AASDH: variants seen among roughly 807,000 people sequenced by gnomAD.
AASDH encodes the protein beta-alanine-activating enzyme.
In AASDH, 81 loss-of-function variants were observed where a neutral mutation model predicts 102.3. The observed-to-expected ratio is 0.79, with a 90% CI of 0.66 to 0.95. The LOEUF is 0.95. Among genes scored for constraint, AASDH ranks in the 40% least tolerant of loss-of-function variants. AASDH has a pLI of 0.00. For synonymous variants in AASDH, 398 were observed against 454.0 expected (o/e 0.88, Z 1.57); for missense variants, 1,203 against 1,266.2 (o/e 0.95, Z 0.76).
rs775696233 is a variant in AASDH, at chr4:56,355,353, G to A, written c.932C>T (p.Ser311Phe). Residue 311 changes from serine to phenylalanine, a missense_variant, in exon 6 of 15, where the codon TCT becomes TTT. By Grantham distance (155) the Ser-to-Phe change is radical (BLOSUM62 -2). Coordinates refer to ENST00000205214, the MANE Select transcript of AASDH (RefSeq NM_181806.4). ...ACCACCAAGGGCTAATACTCGAAGA[G>A]AAGTAGTGGCTGACAAAACAGTTGA... Reference protein sequence around the residue: ...IKSTVLSATTSLRVLALGGEA... With the variant: ...IKSTVLSATTFLRVLALGGEA... 2 of 1,614,176 alleles carry A rather than the reference G, an allele frequency of 1.2e-6. No homozygotes were observed. The highest frequency in any genetic ancestry group is 8.5e-7 in the Non-Finnish European group (1 of 1,180,010).
Position 56,349,599 on chromosome 4 carries a change from TTTGAA to T in AASDH, c.2147_2151del (p.Ile716LysfsTer25). 6.2e-7 allele frequency: 1 copy of T among 1,614,202 alleles called. No individual in the cohort carries two copies. The highest frequency in any genetic ancestry group is 1.1e-5 in the South Asian group (1 of 91,090). ...ACTGGAGAATTTAAGCCTTTCAAAT[TTTGAA>T]TGTTGGTCTGTGAAACTGAGTCAGA... On this transcript the variant is annotated frameshift_variant, in exon 11 of 15. Coordinates refer to ENST00000205214, the MANE Select transcript of AASDH (RefSeq NM_181806.4). LOFTEE classifies it high-confidence loss of function.
chr4:56,361,626 T>G (rs911873078), intron 5 of AASDH, among the ~76,000 whole-genome samples: 8 of 152,164 alleles, frequency 5.3e-5, no homozygotes, highest in Non-Finnish European at 7.4e-5. Flanking sequence ...TGGAAAACAT[T>G]ATTATGCTGA....
intron 10 of AASDH, among the ~76,000 whole-genome samples, chr4:56,350,348 G>A (rs768365099): frequency 3.3e-5 from 5 of 151,998 alleles, no homozygotes; most frequent in Non-Finnish European, 2.9e-5. Flanking sequence ...TCAGCTACTC[G>A]GAGGCTGAGG....
intron 3 of AASDH, among the ~76,000 whole-genome samples, chr4:56,379,862 C>T (rs890168401): frequency 2.0e-5 from 3 of 151,946 alleles, no homozygotes; most frequent in South Asian, 4.2e-4. Flanking sequence ...AGGTAAAGAA[C>T]GGGGTGGGGG....
intron 11 of AASDH, among the ~76,000 whole-genome samples, chr4:56,345,735 A>T (rs753458447): frequency 1.3e-5 from 2 of 152,236 alleles, no homozygotes; most frequent in Non-Finnish European, 2.9e-5. Flanking sequence ...GATAATGTGA[A>T]CAAATGCCCA....
chr4:56,384,003 A>G, intron 2 of AASDH, 67 bp downstream of exon 2: 1 of 1,336,808 alleles, frequency 7.5e-7, no homozygotes, highest in Non-Finnish European at 1.1e-6. Flanking sequence ...ATAACTTGCA[A>G]TATACTCTAT....
chr4:56,357,760 T>C (rs2109911018), intron 5 of AASDH, among the ~76,000 whole-genome samples: 1 of 152,008 alleles, frequency 6.6e-6, no homozygotes, highest in East Asian at 1.9e-4. Flanking sequence ...AATTCATCTA[T>C]GCTGCTAAGT....
At chr4:56,351,130 T>C (rs139805010) in intron 10 of AASDH, among the ~76,000 whole-genome samples, 1,985 of 152,340 alleles carry the variant, frequency 0.013, 26 homozygotes, top group South Asian at 0.027. Context: ...TCACTTTCAA[T>C]AAATTTCTTT....
At chr4:56,356,201 G>A in intron 5 of AASDH, 1 of 745,152 alleles carries the variant, frequency 1.3e-6, no homozygotes, top group Non-Finnish European at 2.4e-6. Context: ...GAAGCAGGAG[G>A]ACAAGAAAGT....
intron 5 of AASDH, among the ~76,000 whole-genome samples, chr4:56,365,633 G>A (rs1420622042): frequency 6.6e-6 from 1 of 152,064 alleles, no homozygotes; most frequent in African/African-American, 2.4e-5. Flanking sequence ...GGTACATAAT[G>A]AAATGAAGGC....
chr4:56,365,780 A>G (rs1367274618), intron 5 of AASDH, among the ~76,000 whole-genome samples: 43 of 152,228 alleles, frequency 2.8e-4, no homozygotes, highest in Non-Finnish European at 5.6e-4. Flanking sequence ...AAGATCTAAA[A>G]TTGACAACCT....
intron 5 of AASDH, among the ~76,000 whole-genome samples, chr4:56,367,896 C>T (rs539299708): frequency 2.2e-3 from 339 of 151,924 alleles, no homozygotes; most frequent in African/African-American, 7.9e-3. Context: ...AGAGCTTCTG[C>T]ACAGCAAAAG....
intron 14 of AASDH, among the ~76,000 whole-genome samples, chr4:56,339,366 C>T (rs1255944871): frequency 1.3e-5 from 2 of 151,838 alleles, no homozygotes; most frequent in South Asian, 2.1e-4. Flanking sequence ...AGGATGGTCT[C>T]GATCTCCTGA....
intron 5 of AASDH, among the ~76,000 whole-genome samples, chr4:56,371,204 A>G (rs1751663124): frequency 6.6e-6 from 1 of 152,210 alleles, no homozygotes; most frequent in African/African-American, 2.4e-5. Flanking sequence ...AGTCAAAGTC[A>G]AGGTCCTCTA....
At position 56,354,031 on chromosome 4, in the gene AASDH, A is replaced by G; in HGVS notation, c.1383+8T>C. The G allele has an allele frequency of 6.3e-7, 1 of 1,594,632 alleles. No homozygotes were observed. Among genetic ancestry groups the G allele is most frequent in the Non-Finnish European group, 8.5e-7 (1 of 1,172,360 alleles). ...ATTAATAGATATTCAATATTTAAAT[A>G]GTTCTACCTGTTGCACAAGTTCAAT... On this transcript the variant is annotated splice_region_variant and intron_variant, in intron 8 of 14. Coordinates refer to ENST00000205214, the MANE Select transcript of AASDH (RefSeq NM_181806.4).
intron 5 of AASDH, among the ~76,000 whole-genome samples, chr4:56,361,963 C>A (rs1029568969): frequency 9.9e-5 from 15 of 152,140 alleles, no homozygotes; most frequent in African/African-American, 3.4e-4. Flanking sequence ...CAAAGCAAGA[C>A]CCTGTCTCAA....
intron 11 of AASDH, among the ~76,000 whole-genome samples, chr4:56,346,941 TGAGGTGG>T (rs1464691278): frequency 6.6e-6 from 1 of 151,598 alleles, no homozygotes; most frequent in Non-Finnish European, 1.5e-5. Flanking sequence ...CTCCAGAAGC[TGAGGTGG>T]GAGCATCACC....
chr4:56,372,114 G>A (rs1006166430), intron 4 of AASDH, among the ~76,000 whole-genome samples: 1 of 152,220 alleles, frequency 6.6e-6, no homozygotes, highest in Non-Finnish European at 1.5e-5. Context: ...AGGGTTGGCT[G>A]GATTTACTTG....
At chr4:56,387,109 T>C (rs943047440) in intron 1 of AASDH, among the ~76,000 whole-genome samples, 2 of 152,118 alleles carry the variant, frequency 1.3e-5, no homozygotes, top group African/African-American at 2.4e-5. Flanking sequence ...GAAACCACTC[T>C]AGGGGGTAGC....
Sources: allele counts gnomAD v4.1 joint callset (sites outside exome capture counted in the v4.1 genomes callset), GRCh38; gene constraint gnomAD v4.1.1; transcripts MANE v1.5; gene names NCBI Gene and HGNC (gene_info 2026-07-23, HGNC 2026-07-21).